The following PRKACB variants were observed in gnomAD, a reference collection of about 807,000 sequenced individuals.
PRKACB encodes the protein cAMP-dependent protein kinase catalytic subunit beta.
Under a neutral mutation model 51.4 loss-of-function variants are expected in PRKACB, and 16 were observed. The ratio of observed to expected loss-of-function variants is 0.31; its 90% confidence interval spans 0.21 to 0.47. PRKACB has a LOEUF of 0.47. Ranked by LOEUF, PRKACB falls within the 20% of genes least tolerant of loss-of-function variation. PRKACB has a pLI of 1.00. For synonymous variants in PRKACB, 147 were observed against 154.4 expected (o/e 0.95, Z 0.35); for missense variants, 309 against 464.5 (o/e 0.67, Z 3.08).
At chr1:84,201,197 C>T (rs564765442) in intron 7 of PRKACB, among the ~76,000 whole-genome samples, 2 of 152,082 alleles carry the variant, frequency 1.3e-5, no homozygotes, top group Non-Finnish European at 2.9e-5. Context: ...GTGCCTATTT[C>T]ATAACACTAT....
At chr1:84,135,453 C>G (rs549129995) in intron 1 of PRKACB, among the ~76,000 whole-genome samples, 15 of 152,214 alleles carry the variant, frequency 9.9e-5, no homozygotes, top group Admixed American at 3.9e-4. Context: ...ATTAAATGCT[C>G]CATTTAACAA....
At chr1:84,154,302 T>C (rs1463790837) in intron 1 of PRKACB, among the ~76,000 whole-genome samples, 1 of 152,176 alleles carries the variant, frequency 6.6e-6, no homozygotes, top group African/African-American at 2.4e-5. Flanking sequence ...TGCAAGTATT[T>C]TCTCTCATTC....
At position 84,214,036 on chromosome 1, in the gene PRKACB, C is replaced by A. The variant is rs975205264; in HGVS notation, c.907-117C>A. 19 of 1,036,194 alleles carry A rather than the reference C, an allele frequency of 1.8e-5. No individual in the cohort carries two copies. In the African/African-American group the frequency reaches 2.5e-4, roughly 14 times the overall value. The allele number at this position is 1,036,194 out of a possible 1,614,324, so 64.2% of individuals were successfully genotyped here. On this transcript the variant is annotated intron_variant, in intron 8 of 9. Coordinates refer to ENST00000370685, the MANE Select transcript of PRKACB (RefSeq NM_182948.4). ...AGTTAAAAGTATGTGAAGGTCATCG[C>A]TCCATATTTTTGTTTATATAATGGC... is the stretch of plus-strand genomic sequence containing the variant.
At chr1:84,208,881 A>G (rs576741635) in intron 8 of PRKACB, among the ~76,000 whole-genome samples, 1 of 152,352 alleles carries the variant, frequency 6.6e-6, no homozygotes, top group East Asian at 1.9e-4. Context: ...CAGAGCATGT[A>G]TGTAAGTAGA....
intron 9 of PRKACB, among the ~76,000 whole-genome samples, chr1:84,231,404 T>A (rs1024556705): frequency 1.3e-5 from 2 of 152,260 alleles, no homozygotes; most frequent in South Asian, 4.2e-4. Flanking sequence ...TGTCTCTGCC[T>A]GGCTTTGGTA....
intron 1 of PRKACB, among the ~76,000 whole-genome samples, chr1:84,116,280 T>G (rs1205476968): frequency 2.6e-5 from 4 of 152,220 alleles, no homozygotes; most frequent in Admixed American, 6.5e-5. Flanking sequence ...GGTAATGTGA[T>G]GCCTCCAGCT....
chr1:84,233,202 G>A (rs1232243626), intron 9 of PRKACB, among the ~76,000 whole-genome samples: 2 of 151,722 alleles, frequency 1.3e-5, no homozygotes, highest in Non-Finnish European at 2.9e-5. Context: ...TGAGATTCTG[G>A]GTTGAAAATT....
intron 1 of PRKACB, among the ~76,000 whole-genome samples, chr1:84,101,476 C>T (rs971537048): frequency 1.3e-5 from 2 of 152,098 alleles, no homozygotes; most frequent in East Asian, 3.9e-4. Context: ...TTCCTTAAGC[C>T]CTGACAGGTT....
rs1391332185 is a variant in PRKACB, at chr1:84,235,361, T to G, written c.*56T>G. ...TCAGTGTTTGCACTCTGTTGAGAGA[T>G]AAGGTAGAGCTGAGACCGTCCTTGT... On this transcript the variant is annotated 3_prime_UTR_variant, in exon 10 of 10. Transcript: ENST00000370685. 10 of 1,607,890 alleles carry G rather than the reference T, an allele frequency of 6.2e-6. No individual in the cohort carries two copies. In the Admixed American group the frequency reaches 8.5e-5, roughly 14 times the overall value.
chr1:84,127,351 T>C (rs953301638), intron 1 of PRKACB, among the ~76,000 whole-genome samples: 1 of 152,182 alleles, frequency 6.6e-6, no homozygotes, highest in Non-Finnish European at 1.5e-5. Context: ...TAAAATTACC[T>C]ATACGACATT....
At chr1:84,231,226 T>C (rs959325478) in intron 9 of PRKACB, among the ~76,000 whole-genome samples, 1 of 152,240 alleles carries the variant, frequency 6.6e-6, no homozygotes, top group African/African-American at 2.4e-5. Flanking sequence ...ATTACATTTA[T>C]TGATTTCCAT....
At chr1:84,233,515 A>G (rs1676105168) in intron 9 of PRKACB, among the ~76,000 whole-genome samples, 5 of 123,512 alleles carry the variant, frequency 4.0e-5, no homozygotes, top group African/African-American at 1.3e-4. Context: ...GTGTTTTCCA[A>G]CTTGGTTCCA....
At chr1:84,088,214 C>G (rs1309011084) in intron 1 of PRKACB, among the ~76,000 whole-genome samples, 1 of 152,146 alleles carries the variant, frequency 6.6e-6, no homozygotes, top group Admixed American at 6.5e-5. Context: ...GTCCCAGGCT[C>G]TATGGCCATA....
chr1:84,186,338 C>A (rs1422945719), intron 5 of PRKACB, among the ~76,000 whole-genome samples: 1 of 152,038 alleles, frequency 6.6e-6, no homozygotes, highest in African/African-American at 2.4e-5. Context: ...CTTGCCTCAG[C>A]CACCCGAGTA....
At chr1:84,149,891 T>G (rs1471542175) in intron 1 of PRKACB, among the ~76,000 whole-genome samples, 1 of 152,194 alleles carries the variant, frequency 6.6e-6, no homozygotes, top group Non-Finnish European at 1.5e-5. Context: ...ATTATTATAA[T>G]AATTATTTTT....
chr1:84,194,919 GA>G (rs1306479061), intron 5 of PRKACB, among the ~76,000 whole-genome samples: 5 of 150,362 alleles, frequency 3.3e-5, no homozygotes, highest in East Asian at 3.9e-4. Flanking sequence ...GACAGAGTAA[GA>G]AAAAAAAAGA....
chr1:84,196,831 T>A, intron 6 of PRKACB, 89 bp downstream of exon 6: 1 of 1,345,384 alleles, frequency 7.4e-7, no homozygotes, highest in Non-Finnish European at 1.0e-6. Context: ...GAATTTTTTT[T>A]GAAGAAGACA....
chr1:84,191,424 A>C (rs909430532), intron 5 of PRKACB, among the ~76,000 whole-genome samples: 2 of 152,064 alleles, frequency 1.3e-5, no homozygotes, highest in Non-Finnish European at 2.9e-5. Flanking sequence ...TCCCTCTGTA[A>C]GTGACCTGAC....
chr1:84,226,834 A>C (rs368275660), intron 9 of PRKACB, among the ~76,000 whole-genome samples: 27 of 152,280 alleles, frequency 1.8e-4, no homozygotes, highest in African/African-American at 6.3e-4. Flanking sequence ...TCATTTCTAT[A>C]ATTTGTTGCC....
Sources: gnomAD v4.1 joint callset for allele counts (sites outside exome capture counted in the v4.1 genomes callset) on GRCh38, gnomAD v4.1.1 for gene constraint, MANE v1.5 for transcripts, NCBI Gene and HGNC (gene_info 2026-07-23, HGNC 2026-07-21) for gene names.